EP400: variants seen among roughly 807,000 people sequenced by gnomAD.
EP400 encodes the protein E1A binding protein p400.
Under a neutral mutation model 354.1 loss-of-function variants are expected in EP400, and 105 were observed. The observed-to-expected ratio is 0.30, with a 90% CI of 0.25 to 0.35. The LOEUF (loss-of-function observed/expected upper bound fraction) is 0.35, where lower values mean the gene tolerates loss of function less well. EP400 is among the 10% of genes least tolerant of loss of function. The pLI is 1.00. For missense variants in EP400, 3,280 were observed against 4,121.0 expected (o/e 0.80, Z 5.59); for synonymous variants, 1,646 against 1,716.9 (o/e 0.96, Z 1.02).
chr12:131,975,443 C>T (rs1044317294), intron 2 of EP400, among the ~76,000 whole-genome samples: 7 of 152,148 alleles, frequency 4.6e-5, no homozygotes. Flanking sequence ...CTTACGCCAG[C>T]GCTGCACTGC....
intron 11 of EP400, 23 bp downstream of exon 11, chr12:131,992,253 C>G (rs775999556): frequency 1.9e-6 from 3 of 1,602,498 alleles, no homozygotes; most frequent in Non-Finnish European, 2.6e-6. Context: ...TCAGCACTAT[C>G]TTTGTCATCT....
intron 52 of EP400, among the ~76,000 whole-genome samples, chr12:132,077,132 TACA>T (rs1896261360): frequency 6.6e-6 from 1 of 152,258 alleles, no homozygotes; most frequent in Non-Finnish European, 1.5e-5. Context: ...AAAGCTTTAC[TACA>T]ACAACAAAAT....
intron 24 of EP400, 87 bp downstream of exon 24, chr12:132,024,028 C>T (rs1430915493): frequency 5.2e-6 from 7 of 1,352,702 alleles, no homozygotes; most frequent in Admixed American, 3.3e-5. Context: ...CTGCCTTGTG[C>T]ATTTAAGTGT....
At position 132,069,557 on chromosome 12, in the gene EP400, G is replaced by A. The variant is rs748552218; in HGVS notation, c.8937G>A (p.Pro2979=). Residue 2979 remains proline, a synonymous_variant, in exon 51 of 53, where the codon CCG becomes CCA. Coordinates refer to ENST00000389561, the MANE Select transcript of EP400 (RefSeq NM_015409.5). The part of the protein sequence containing the change: ...AQQKVAYAAQ[P]ALKTQFLTTP... The stretch of plus-strand genomic sequence containing the variant: ...AGAAGGTTGCCTACGCCGCGCAGCC[G>A]GCCCTTAAGACCCAGTTTCTTACCA... 3.4e-5 allele frequency: 55 copies of A among 1,614,114 alleles called. No homozygotes were observed. In the South Asian group the frequency reaches 4.5e-4, roughly 13 times the overall value.
chr12:132,062,404 A>T, intron 46 of EP400, 62 bp from the exon 47 acceptor site: 1 of 1,610,302 alleles, frequency 6.2e-7, no homozygotes, highest in Non-Finnish European at 8.5e-7. Flanking sequence ...GCTGTCTGAG[A>T]ATGAGGATCT....
chr12:132,062,747 G>C, intron 47 of EP400, 46 bp downstream of exon 47: 2 of 1,605,612 alleles, frequency 1.2e-6, no homozygotes, highest in African/African-American at 1.3e-5. Flanking sequence ...CTTGCGGTCA[G>C]TCAGCCCAGC....
intron 23 of EP400, among the ~76,000 whole-genome samples, chr12:132,022,440 T>C (rs1002985874): frequency 2.0e-5 from 3 of 152,274 alleles, no homozygotes; most frequent in Admixed American, 6.5e-5. Flanking sequence ...GACATTTTTC[T>C]AGCCTCTTAC....
At chr12:131,977,157 G>A (rs769333835) in intron 2 of EP400, among the ~76,000 whole-genome samples, 1 of 152,018 alleles carries the variant, frequency 6.6e-6, no homozygotes, top group African/African-American at 2.4e-5. Flanking sequence ...GTTTTTTTGA[G>A]ACGGAGTCTC....
intron 12 of EP400, among the ~76,000 whole-genome samples, chr12:132,003,263 A>C (rs1893478823): frequency 6.6e-6 from 1 of 151,976 alleles, no homozygotes; most frequent in South Asian, 2.1e-4. Context: ...TACAACAATT[A>C]CAAAAAAGAT....
At chr12:131,996,678 C>T (rs1893228156) in intron 12 of EP400, among the ~76,000 whole-genome samples, 1 of 152,142 alleles carries the variant, frequency 6.6e-6, no homozygotes, top group Admixed American at 6.5e-5. Context: ...ATCTCAAGAA[C>T]TCTTGATATT....
At chr12:132,044,742 CTG>C in intron 36 of EP400, 27 bp downstream of exon 36, 1 of 1,614,136 alleles carries the variant, frequency 6.2e-7, no homozygotes, top group Non-Finnish European at 8.5e-7. Flanking sequence ...CCCTTTGTGT[CTG>C]TGTGGGCAGC....
chr12:131,950,255 C>T (rs1360097011), intron 1 of EP400, among the ~76,000 whole-genome samples: 1 of 152,044 alleles, frequency 6.6e-6, no homozygotes, highest in African/African-American at 2.4e-5. Flanking sequence ...AGTCGTAGCG[C>T]CCGTCCCCCG....
At chr12:131,980,355 A>C (rs1159005910) in intron 3 of EP400, among the ~76,000 whole-genome samples, 2 of 152,220 alleles carry the variant, frequency 1.3e-5, no homozygotes, top group Admixed American at 1.3e-4. Flanking sequence ...TAAGAATATT[A>C]ACTGAAGAGG....
chr12:132,040,015 G>C (rs1247326920), intron 32 of EP400, among the ~76,000 whole-genome samples: 1 of 152,214 alleles, frequency 6.6e-6, no homozygotes. Flanking sequence ...ACTCCAACCT[G>C]GGTGACAGAG....
chr12:132,039,796 T>C (rs1343394459), intron 32 of EP400, among the ~76,000 whole-genome samples: 1 of 152,202 alleles, frequency 6.6e-6, no homozygotes, highest in Non-Finnish European at 1.5e-5. Flanking sequence ...CCCAGTACTT[T>C]GGGAAGCCGA....
chr12:132,066,780 G>T lies in EP400; in HGVS notation c.8560G>T (p.Val2854Phe), dbSNP rs979516498. 3.1e-6 allele frequency: 5 copies of T among 1,613,632 alleles called. No individual in the cohort carries two copies. Among genetic ancestry groups the T allele is most frequent in the African/African-American group, 2.7e-5 (2 of 74,908 alleles). The change falls in exon 49 of 53, where the codon GTT becomes TTT. Residue 2854 changes from valine to phenylalanine, a missense_variant. Transcript: ENST00000389561. ...CATTATTTCTACTGTTTAGACCCGG[G>T]TTCCCACTTCTCAGCTGCAGGCGCA... ...ANLQVARLTRVPTSQLQAQGQ... is the reference protein window; with the variant it reads ...ANLQVARLTRFPTSQLQAQGQ...
At chr12:132,065,870 T>C (rs1368363245) in intron 48 of EP400, 4 of 152,268 alleles carry the variant, frequency 2.6e-5, no homozygotes, top group Non-Finnish European at 5.9e-5. Context: ...CAGGAATCAG[T>C]GGCCTCTTTT....
chr12:132,039,754 TG>T (rs531010817), intron 32 of EP400, among the ~76,000 whole-genome samples: 432 of 152,316 alleles, frequency 2.8e-3, no homozygotes, highest in African/African-American at 0.01. Context: ...AAAGCGTAGC[TG>T]GGGCCAGGTG....
At chr12:132,032,311 C>T (rs59942502) in intron 30 of EP400, among the ~76,000 whole-genome samples, 162 bp downstream of exon 30, 18,477 of 152,204 alleles carry the variant, frequency 0.12, 2,295 homozygotes, top group African/African-American at 0.31. Context: ...GCACTAAAGA[C>T]AATGCATGAT....
Sources: allele counts gnomAD v4.1 joint callset (sites outside exome capture counted in the v4.1 genomes callset), GRCh38; gene constraint gnomAD v4.1.1; transcripts MANE v1.5; gene names NCBI Gene and HGNC (gene_info 2026-07-23, HGNC 2026-07-21).